TUBGCP4: variants seen among roughly 807,000 people sequenced by gnomAD.
The protein encoded by TUBGCP4 is tubulin gamma complex component 4.
A neutral mutation model predicts 91.6 loss-of-function variants in TUBGCP4; 54 were observed. The observed-to-expected ratio is 0.59, with a 90% CI of 0.47 to 0.74. The LOEUF is 0.74. Among genes scored for constraint, TUBGCP4 ranks in the 30% least tolerant of loss-of-function variants. The probability of loss-of-function intolerance (pLI) is 0.00; values close to 1 mark genes in which losing one functional copy is unlikely to be tolerated. For synonymous variants in TUBGCP4, 297 were observed against 302.8 expected, an observed-to-expected ratio of 0.98 and a Z score of 0.20; for missense variants, 593 against 800.9, an observed-to-expected ratio of 0.74 and a Z score of 3.13.
At chr15:43,389,840 C>T (rs755765729) in intron 9 of TUBGCP4, among the ~76,000 whole-genome samples, 5 of 151,988 alleles carry the variant, frequency 3.3e-5, no homozygotes, top group Admixed American at 1.3e-4. Flanking sequence ...TCAGGTTTTA[C>T]GTGGCAGCAG....
chr15:43,393,103 T>A (rs1230282453), intron 9 of TUBGCP4, among the ~76,000 whole-genome samples: 4 of 152,266 alleles, frequency 2.6e-5, no homozygotes, highest in African/African-American at 9.6e-5. Flanking sequence ...GAACCCATGT[T>A]GCATTTATCA....
intron 7 of TUBGCP4, among the ~76,000 whole-genome samples, chr15:43,383,871 G>A (rs891936216): frequency 4.6e-5 from 7 of 151,970 alleles, no homozygotes; most frequent in African/African-American, 1.4e-4. Flanking sequence ...CGCAATCTTG[G>A]CTCACTGCAG....
intron 7 of TUBGCP4, 30 bp from the exon 8 acceptor site, chr15:43,385,761 C>A (rs768936383): frequency 6.2e-7 from 1 of 1,610,956 alleles, no homozygotes; most frequent in Admixed American, 1.7e-5. Flanking sequence ...CTTCACACTG[C>A]ATCTCGATGT....
chr15:43,391,798 T>G (rs1450490718), intron 9 of TUBGCP4: 1 of 152,102 alleles, frequency 6.6e-6, no homozygotes, highest in Non-Finnish European at 1.5e-5. Context: ...TGCCTGTAAT[T>G]CCAGCACTTT....
chr15:43,385,718 G>A, intron 7 of TUBGCP4, 73 bp from the exon 8 acceptor site: 1 of 1,503,006 alleles, frequency 6.7e-7, no homozygotes, highest in Non-Finnish European at 9.2e-7. Flanking sequence ...GGTTGGGAGA[G>A]TTACTAGGTA....
chr15:43,389,576 A>G (rs2044434082), intron 9 of TUBGCP4, among the ~76,000 whole-genome samples: 1 of 151,858 alleles, frequency 6.6e-6, no homozygotes, highest in African/African-American at 2.4e-5. Context: ...GCTCTGGGTT[A>G]TTTTTCTCCT....
chr15:43,407,637 A>G lies in TUBGCP4; in HGVS notation c.*2423A>G. 1.4e-6 allele frequency: 2 copies of G among 1,460,476 alleles called. No individual in the cohort carries two copies. The highest frequency in any genetic ancestry group is 1.9e-6 in the Non-Finnish European group (2 of 1,073,740). 90.5% of individuals were successfully genotyped at this position (1,460,476 alleles called of 1,614,324 possible). A position where few individuals can be genotyped will look rare whatever the true frequency, so the allele number is the denominator to read the frequency against. The stretch of plus-strand genomic sequence containing the variant: ...ACTTAGCCCTCCATTAGAAAGAGAG[A>G]TTTGATTCTAACCAATACATCCCAC... On this transcript the variant is annotated 3_prime_UTR_variant, in exon 18 of 18. Coordinates refer to ENST00000564079, the MANE Select transcript of TUBGCP4 (RefSeq NM_014444.5).
intron 9 of TUBGCP4, among the ~76,000 whole-genome samples, chr15:43,386,737 A>G (rs1265793014): frequency 6.6e-6 from 1 of 151,210 alleles, no homozygotes; most frequent in East Asian, 1.9e-4. Flanking sequence ...AAAAAAAAAA[A>G]AAAAAAAAAA....
intron 13 of TUBGCP4, among the ~76,000 whole-genome samples, chr15:43,398,758 A>T (rs923984815): frequency 6.6e-6 from 1 of 152,150 alleles, no homozygotes; most frequent in African/African-American, 2.4e-5. Flanking sequence ...CATGTCTGCT[A>T]TGGATGTTAG....
chr15:43,394,555 TCA>T (rs1260439438), intron 9 of TUBGCP4: 2 of 152,266 alleles, frequency 1.3e-5, no homozygotes, highest in African/African-American at 4.8e-5. Context: ...TTTATAGTTT[TCA>T]GTTTTATACC....
Position 43,409,749 on chromosome 15 carries a change from A to T in TUBGCP4, c.*4535A>T, listed in dbSNP as rs202074096. The T allele has an allele frequency of 2.6e-5, 14 of 537,796 alleles. No individual in the cohort carries two copies. Among genetic ancestry groups the T allele is most frequent in the South Asian group, 1.5e-4 (4 of 25,946 alleles). 33.3% of individuals were successfully genotyped at this position (537,796 alleles called of 1,614,324 possible). On this transcript the variant is annotated 3_prime_UTR_variant, in exon 18 of 18. Transcript: ENST00000564079. ...GAGGAATTTCCAAAAATTCTATATTAAAAAAAAAAACCAAGATAATAATTA... is the reference window on the plus strand; with the variant it reads ...GAGGAATTTCCAAAAATTCTATATTTAAAAAAAAAACCAAGATAATAATTA...
At chr15:43,375,988 G>T in intron 1 of TUBGCP4, 110 bp from the exon 2 acceptor site, 1 of 1,503,396 alleles carries the variant, frequency 6.7e-7, no homozygotes, top group Admixed American at 1.7e-5. Context: ...ACACCTTTAA[G>T]TGGACATCTT....
intron 14 of TUBGCP4, among the ~76,000 whole-genome samples, chr15:43,401,195 A>C (rs755853304): frequency 3.9e-5 from 6 of 151,918 alleles, no homozygotes; most frequent in Non-Finnish European, 8.8e-5. Flanking sequence ...TCACACCTGT[A>C]ATCCCAGCAC....
At chr15:43,402,544 T>C (rs1162664687) in intron 15 of TUBGCP4, 1 of 152,282 alleles carries the variant, frequency 6.6e-6, no homozygotes, top group East Asian at 1.9e-4. Flanking sequence ...GTTCTTTTCA[T>C]AGACAACTAG....
chr15:43,373,671 T>C (rs1296554570), intron 1 of TUBGCP4, among the ~76,000 whole-genome samples: 2 of 147,478 alleles, frequency 1.4e-5, no homozygotes, highest in Non-Finnish European at 3.0e-5. Context: ...TTTTCCGAGA[T>C]GGAGTCTCGC....
At chr15:43,383,526 T>C (rs776699484) in intron 7 of TUBGCP4, 22 bp downstream of exon 7, 2 of 1,567,216 alleles carry the variant, frequency 1.3e-6, no homozygotes, top group South Asian at 1.2e-5. Flanking sequence ...AAAAGTAGCC[T>C]AGCACTCTCC....
At chr15:43,386,649 C>T (rs557041756) in intron 9 of TUBGCP4, among the ~76,000 whole-genome samples, 30 of 141,214 alleles carry the variant, frequency 2.1e-4, no homozygotes, top group African/African-American at 5.4e-4. Context: ...CGCTTGAACC[C>T]GGGAGGCGGA....
At position 43,398,649 on chromosome 15, in the gene TUBGCP4, G is replaced by A. The variant is rs535497080; in HGVS notation, c.1418+470G>A. On this transcript the variant is annotated intron_variant, in intron 13 of 17. Coordinates refer to ENST00000564079, the MANE Select transcript of TUBGCP4 (RefSeq NM_014444.5). ...AAAATAAGGTCTTAGGCACCATGTCGAGATAATGGCCCTTGATGATTCCAT... is the reference window on the plus strand; with the variant it reads ...AAAATAAGGTCTTAGGCACCATGTCAAGATAATGGCCCTTGATGATTCCAT... Among the ~76,000 whole-genome samples, 26 of 152,222 alleles carry A rather than the reference G, an allele frequency of 1.7e-4. 1 individual carries two copies. Among genetic ancestry groups the A allele is most frequent in the African/African-American group, 5.8e-4 (24 of 41,522 alleles).
At chr15:43,386,949 A>G (rs1420518638) in intron 9 of TUBGCP4, among the ~76,000 whole-genome samples, 1 of 152,104 alleles carries the variant, frequency 6.6e-6, no homozygotes, top group Non-Finnish European at 1.5e-5. Context: ...AGTTAGTTGA[A>G]TAAAGGGGGG....
Sources: allele counts gnomAD v4.1 joint callset (sites outside exome capture counted in the v4.1 genomes callset), GRCh38; gene constraint gnomAD v4.1.1; transcripts MANE v1.5; gene names NCBI Gene and HGNC (gene_info 2026-07-23, HGNC 2026-07-21).